PIGG: variants seen among roughly 807,000 people sequenced by gnomAD.
The protein encoded by PIGG is GPI ethanolamine phosphate transferase 2, catalytic subunit.
Under a neutral mutation model 83.2 loss-of-function variants are expected in PIGG, and 70 were observed. The observed-to-expected ratio is 0.84, with a 90% CI of 0.69 to 1.03. The LOEUF (loss-of-function observed/expected upper bound fraction) is 1.03, where lower values mean the gene tolerates loss of function less well. PIGG is among the 50% of genes least tolerant of loss of function. The pLI, the probability that PIGG is intolerant of heterozygous loss-of-function variation, is 0.00. For synonymous variants in PIGG, 532 were observed against 519.5 expected (o/e 1.02, Z -0.33); for missense variants, 1,257 against 1,233.6 (o/e 1.02, Z -0.28).
intron 12 of PIGG, among the ~76,000 whole-genome samples, chr4:534,253 A>G (rs896427807): frequency 2.0e-5 from 3 of 151,862 alleles, no homozygotes; most frequent in Non-Finnish European, 4.4e-5. Flanking sequence ...CCCAGGTCAC[A>G]CCAGCACATG....
At position 521,809 on chromosome 4, in the gene PIGG, TG is replaced by T. The variant is rs1449045567; in HGVS notation, c.1483del (p.Glu495LysfsTer17). 6.2e-7 allele frequency: 1 copy of T among 1,614,228 alleles called. No homozygotes were observed. The highest frequency in any genetic ancestry group is 2.2e-5 in the East Asian group (1 of 44,884). On this transcript the variant is annotated frameshift_variant, in exon 8 of 13. Coordinates refer to ENST00000453061, the MANE Select transcript of PIGG (RefSeq NM_001127178.3). LOFTEE classifies it high-confidence loss of function. ...TTCACGTCATTGTGTGCACCTCAGC[TG>T]AAAGTTCGTGCTACTTCTGTGGCCT... ...AVHVIVCTSA[E>X]SSCYFCGLSW... is the part of the protein sequence containing the mutation.
intron 12 of PIGG, among the ~76,000 whole-genome samples, chr4:537,998 A>ACACACC (rs1491374415): frequency 6.6e-6 from 1 of 150,446 alleles, no homozygotes; most frequent in African/African-American, 2.4e-5. Flanking sequence ...TGGGGCCCAG[A>ACACACC]CACACATACG....
rs565187444 is a variant in PIGG, at chr4:515,700, C to T, written c.902-273C>T. 6.6e-6 allele frequency among the ~76,000 whole-genome samples: 1 copy of T among 152,354 alleles called. No individual in the cohort carries two copies. The highest frequency in any genetic ancestry group is 2.4e-5 in the African/African-American group (1 of 41,592). On this transcript the variant is annotated intron_variant, in intron 5 of 12. Transcript: ENST00000453061. The surrounding 1 kb of genome is among the most constrained non-coding windows in gnomAD (Gnocchi z 4.2). ...CTGCTTCCTCTGTGTTCAGCCCATG[C>T]TCCGTAGCCCTTACTGTATGGAATT...
intron 9 of PIGG, chr4:525,142 C>A: frequency 1.0e-6 from 1 of 963,648 alleles, no homozygotes; most frequent in Non-Finnish European, 1.2e-6. Flanking sequence ...TCCTCCCCAT[C>A]CTCCCTTTTC....
At position 508,906 on chromosome 4, in the gene PIGG, C is replaced by T; in HGVS notation, c.837C>T (p.Ala279=). ...HGMSETGSHG[A]SSTEEVNTPL... is the part of the protein sequence containing the mutation. ...TGTCTGAAACAGGAAGTCACGGGGC[C>T]TCCTCCACCGAGGAGGTGAATACAC... Residue 279 remains alanine (A), a synonymous_variant, in exon 5 of 13, where the codon GCC becomes GCT. Transcript: ENST00000453061. 1 of 1,613,310 alleles carries T rather than the reference C, an allele frequency of 6.2e-7. No individual in the cohort carries two copies. The highest frequency in any genetic ancestry group is 8.5e-7 in the Non-Finnish European group (1 of 1,179,290).
chr4:501,159 G>C (rs781826954), intron 2 of PIGG: 14 of 455,698 alleles, frequency 3.1e-5, no homozygotes, highest in South Asian at 9.3e-5. Context: ...AGAACCGTGG[G>C]TAAAGAAAAA....
chr4:514,766 A>G (rs1723288470), intron 5 of PIGG, among the ~76,000 whole-genome samples: 1 of 152,260 alleles, frequency 6.6e-6, no homozygotes, highest in African/African-American at 2.4e-5. Flanking sequence ...CAGATATGAT[A>G]GAATTAGCAT....
intron 5 of PIGG, among the ~76,000 whole-genome samples, chr4:511,528 C>T (rs1011544544): frequency 7.9e-5 from 12 of 152,142 alleles, no homozygotes; most frequent in South Asian, 2.1e-4. Context: ...TGCCCCCACC[C>T]GCCACCTCTG....
At chr4:508,743 A>G in intron 4 of PIGG, 86 bp from the exon 5 acceptor site, 1 of 1,252,158 alleles carries the variant, frequency 8.0e-7, no homozygotes, top group South Asian at 1.3e-5. Flanking sequence ...TCTATAAAGT[A>G]AAGCTAAAAC....
Position 528,845 on chromosome 4 carries a change from C to T in PIGG, c.2262-1591C>T. 2 of 418,702 alleles carry T rather than the reference C, an allele frequency of 4.8e-6. No individual in the cohort carries two copies. Among genetic ancestry groups the T allele is most frequent in the Non-Finnish European group, 6.4e-6 (2 of 311,838 alleles). The allele number at this position is 418,702 out of a possible 1,614,324, so 25.9% of individuals were successfully genotyped here. A position where few individuals can be genotyped will look rare whatever the true frequency, so the allele number is the denominator to read the frequency against. Reference sequence around the variant, plus strand: ...CTAGCCAGTGTGCCTTTTCTTTCCACACGCACTGCCTGGTTCACCTTCTTC... The same window carrying T: ...CTAGCCAGTGTGCCTTTTCTTTCCATACGCACTGCCTGGTTCACCTTCTTC... On this transcript the variant is annotated intron_variant, in intron 10 of 12. Coordinates refer to ENST00000453061, the MANE Select transcript of PIGG (RefSeq NM_001127178.3). This position sits in a 1 kb window ranked among gnomAD's most constrained non-coding sequence, Gnocchi z 4.8.
intron 6 of PIGG, among the ~76,000 whole-genome samples, chr4:520,058 T>G (rs1454561375): frequency 6.6e-6 from 1 of 152,170 alleles, no homozygotes; most frequent in African/African-American, 2.4e-5. Context: ...GAGTTCATGC[T>G]CAGGGACTTG....
At chr4:535,976 C>A (rs954596133) in intron 12 of PIGG, among the ~76,000 whole-genome samples, 3 of 152,208 alleles carry the variant, frequency 2.0e-5, no homozygotes, top group African/African-American at 7.2e-5. Context: ...GAGCCCTTTA[C>A]AGGACATGCG....
chr4:523,766 C>G lies in PIGG; in HGVS notation c.1922C>G (p.Ser641Cys), dbSNP rs746888688. The change falls in exon 9 of 13, where the codon TCT (serine) becomes TGT (cysteine). Residue 641 changes from serine to cysteine, a missense_variant. Coordinates refer to ENST00000453061, the MANE Select transcript of PIGG (RefSeq NM_001127178.3). The stretch of plus-strand genomic sequence containing the variant: ...CGAGACAAAGGCCACGGAAGCCCCT[C>G]TACCTCCGAAGTGCTCAGAGGCCGC... ...LERDKGHGSPSTSEVLRGREK... is the reference protein window; with the variant it reads ...LERDKGHGSPCTSEVLRGREK... 1 of 1,614,018 alleles carries G rather than the reference C, an allele frequency of 6.2e-7. No individual in the cohort carries two copies. Among genetic ancestry groups the G allele is most frequent in the South Asian group, 1.1e-5 (1 of 91,092 alleles).
chr4:521,603 T>G (rs1725903486), intron 7 of PIGG, 57 bp from the exon 8 acceptor site: 1 of 1,551,252 alleles, frequency 6.4e-7, no homozygotes, highest in Non-Finnish European at 8.8e-7. Flanking sequence ...GGGCTTATTT[T>G]TAAGTGGGTT....
At chr4:511,295 T>TAA (rs537741053) in intron 5 of PIGG, among the ~76,000 whole-genome samples, 15,948 of 142,102 alleles carry the variant, frequency 0.11, 1,308 homozygotes, top group African/African-American at 0.23. Context: ...CTCCCCATCT[T>TAA]TAAAAAAAAA....
rs1002621047 is a variant in PIGG, at chr4:511,315, A to G, written c.901+2345A>G. Among the ~76,000 whole-genome samples the G allele has an allele frequency of 5.2e-4, 79 of 151,960 alleles. 1 individual carries two copies. The highest frequency in any genetic ancestry group is 1.6e-3 in the African/African-American group (65 of 41,424). The stretch of plus-strand genomic sequence containing the variant: ...CATCTTTAAAAAAAAAAAAAAAAAA[A>G]AAGAAGACTTCATTTCTTTTGTTAT... On this transcript the variant is annotated intron_variant, in intron 5 of 12. Coordinates refer to ENST00000453061, the MANE Select transcript of PIGG (RefSeq NM_001127178.3).
intron 8 of PIGG, 23 bp from the exon 9 acceptor site, chr4:523,436 A>T: frequency 6.5e-7 from 1 of 1,544,932 alleles, no homozygotes; most frequent in Non-Finnish European, 8.9e-7. Flanking sequence ...CGTCTCTTAC[A>T]AAGTGCACTT....
At chr4:514,462 CT>C (rs1392232918) in intron 5 of PIGG, among the ~76,000 whole-genome samples, 1 of 152,160 alleles carries the variant, frequency 6.6e-6, no homozygotes, top group Non-Finnish European at 1.5e-5. Flanking sequence ...AAACTCTTTG[CT>C]TTACTACAGT....
intron 8 of PIGG, 114 bp downstream of exon 8, chr4:522,055 C>T (rs13136656): frequency 6.1e-6 from 7 of 1,149,624 alleles, no homozygotes; most frequent in South Asian, 2.5e-5. Flanking sequence ...GTGTGTGCCA[C>T]GTGCTGGCAG....
Sources: allele counts gnomAD v4.1 joint callset (sites outside exome capture counted in the v4.1 genomes callset), GRCh38; gene constraint gnomAD v4.1.1; non-coding constraint Gnocchi (gnomAD v3.1); transcripts MANE v1.5; gene names NCBI Gene and HGNC (gene_info 2026-07-23, HGNC 2026-07-21).